LRRC20: variants seen among roughly 807,000 people sequenced by gnomAD.
LRRC20 encodes leucine-rich repeat-containing protein 20.
In LRRC20, 11 loss-of-function variants were observed where a neutral mutation model predicts 14.4. The observed-to-expected ratio is 0.77, with a 90% CI of 0.48 to 1.27. The LOEUF (loss-of-function observed/expected upper bound fraction) is 1.27. Ranked by LOEUF, LRRC20 falls within the 50% of genes most tolerant of loss-of-function variation. The probability of loss-of-function intolerance (pLI) is 0.00; values close to 1 mark genes in which losing one functional copy is unlikely to be tolerated. For synonymous variants in LRRC20, 121 were observed against 107.3 expected (o/e 1.13, Z -0.79); for missense variants, 219 against 251.2 (o/e 0.87, Z 0.87).
chr10:70,305,364 T>A (rs145517720), intron 4 of LRRC20, among the ~76,000 whole-genome samples: 539 of 152,240 alleles, frequency 3.5e-3, no homozygotes, highest in African/African-American at 0.012. Context: ...TTCTTCTGGG[T>A]ATATATGTGA....
intron 3 of LRRC20, among the ~76,000 whole-genome samples, chr10:70,340,023 A>G (rs1362052116): frequency 2.6e-5 from 4 of 151,916 alleles, no homozygotes; most frequent in Admixed American, 2.0e-4. Flanking sequence ...TGGGAGGCTG[A>G]GGCAGGAGAA....
intron 3 of LRRC20, among the ~76,000 whole-genome samples, chr10:70,329,335 T>C (rs993972453): frequency 1.3e-5 from 2 of 152,170 alleles, no homozygotes; most frequent in African/African-American, 4.8e-5. Context: ...TTCTTGTTGT[T>C]TTATGGCAGT....
At chr10:70,373,764 C>T (rs532029952) in intron 2 of LRRC20, among the ~76,000 whole-genome samples, 32 of 152,340 alleles carry the variant, frequency 2.1e-4, no homozygotes, top group Non-Finnish European at 3.8e-4. Flanking sequence ...GTGCCCCCAC[C>T]CCAGGGCTGC....
chr10:70,381,071 G>C (rs936858761), intron 1 of LRRC20, among the ~76,000 whole-genome samples: 1 of 152,226 alleles, frequency 6.6e-6, no homozygotes, highest in African/African-American at 2.4e-5. Flanking sequence ...CTCTTACAAG[G>C]CTGTCCTCTG....
Position 70,300,293 on chromosome 10 carries a change from G to T in LRRC20, c.*1061C>A. On this transcript the variant is annotated 3_prime_UTR_variant, in exon 5 of 5. Coordinates refer to ENST00000446961, the MANE Select transcript of LRRC20 (RefSeq NM_001278212.2). The stretch of plus-strand genomic sequence containing the variant: ...CTTGCTGGGTACTGTCCCAGTTTTA[G>T]CATTGAAAGTTCCATGTCCTGGGAA... The T allele has an allele frequency of 2.2e-6, 2 of 904,040 alleles. No homozygotes were observed. Among genetic ancestry groups the T allele is most frequent in the Non-Finnish European group, 2.6e-6 (2 of 755,760 alleles). 56.0% of individuals were successfully genotyped at this position (904,040 alleles called of 1,614,324 possible).
chr10:70,342,462 A>T (rs115044247), intron 2 of LRRC20, among the ~76,000 whole-genome samples: 1,955 of 152,170 alleles, frequency 0.013, 48 homozygotes, highest in African/African-American at 0.045. Context: ...ATAATTGTAT[A>T]TATTATTATA....
At chr10:70,318,573 G>A (rs1430908979) in intron 4 of LRRC20, among the ~76,000 whole-genome samples, 1 of 152,042 alleles carries the variant, frequency 6.6e-6, no homozygotes, top group Non-Finnish European at 1.5e-5. Flanking sequence ...GGGCAACATG[G>A]CAAAAACCCA....
intron 4 of LRRC20, among the ~76,000 whole-genome samples, chr10:70,303,391 C>A (rs1255431010): frequency 6.6e-6 from 1 of 152,168 alleles, no homozygotes; most frequent in Non-Finnish European, 1.5e-5. Flanking sequence ...TGTGCCCTAC[C>A]TATATCACTG....
At chr10:70,358,166 T>C (rs964678602) in intron 2 of LRRC20, among the ~76,000 whole-genome samples, 1 of 152,212 alleles carries the variant, frequency 6.6e-6, no homozygotes, top group East Asian at 1.9e-4. Context: ...AAGTCACTTA[T>C]GGGGCCTCAA....
intron 2 of LRRC20, among the ~76,000 whole-genome samples, chr10:70,363,674 G>A (rs1843844079): frequency 6.6e-6 from 1 of 152,208 alleles, no homozygotes; most frequent in African/African-American, 2.4e-5. Context: ...GCCCACCCAG[G>A]GATACAAAGC....
chr10:70,369,633 A>C (rs970974816), intron 2 of LRRC20, among the ~76,000 whole-genome samples: 14 of 132,930 alleles, frequency 1.1e-4, no homozygotes, highest in Non-Finnish European at 9.8e-5. Context: ...AAAAAAAAAA[A>C]CCATACATAC....
intron 2 of LRRC20, among the ~76,000 whole-genome samples, chr10:70,368,679 G>A (rs1321608840): frequency 6.6e-6 from 1 of 151,840 alleles, no homozygotes; most frequent in Admixed American, 6.6e-5. Flanking sequence ...GGAGTGCAGT[G>A]GCATGATCTC....
chr10:70,375,027 C>T (rs769304622), intron 2 of LRRC20, among the ~76,000 whole-genome samples: 2 of 151,964 alleles, frequency 1.3e-5, no homozygotes, highest in Non-Finnish European at 2.9e-5. Flanking sequence ...GATTCAAATC[C>T]AGGCCCATGT....
Position 70,331,369 on chromosome 10 carries a change from G to A in LRRC20, c.233-7339C>T, listed in dbSNP as rs371480638. ...GCCAACTGGGGCCAGCAAGGCTGCT[G>A]ATGCCTTGGCTTTCTTTTTATCTCT... On this transcript the variant is annotated intron_variant, in intron 3 of 4. Coordinates refer to ENST00000446961, the MANE Select transcript of LRRC20 (RefSeq NM_001278212.2). Among the ~76,000 whole-genome samples the A allele has an allele frequency of 7.9e-5, 12 of 152,376 alleles. No homozygotes were observed. The East Asian group carries it at 9.6e-4, about 12-fold the overall frequency.
chr10:70,342,833 C>A (rs546825220), intron 2 of LRRC20, among the ~76,000 whole-genome samples: 1 of 152,228 alleles, frequency 6.6e-6, no homozygotes, highest in Admixed American at 6.5e-5. Context: ...CAGCCCCCAA[C>A]CTCGAACCCC....
chr10:70,329,251 C>T (rs924267373), intron 3 of LRRC20, among the ~76,000 whole-genome samples: 3 of 152,156 alleles, frequency 2.0e-5, no homozygotes, highest in Admixed American at 6.5e-5. Context: ...TATTTCAGAT[C>T]GCTAGGAAGG....
intron 4 of LRRC20, among the ~76,000 whole-genome samples, chr10:70,306,201 T>G (rs1012251348): frequency 2.0e-5 from 3 of 151,944 alleles, no homozygotes; most frequent in South Asian, 2.1e-4. Flanking sequence ...TGGCCCTCAG[T>G]GTATATTTCC....
chr10:70,374,785 G>C (rs560208847), intron 2 of LRRC20, among the ~76,000 whole-genome samples: 1 of 152,290 alleles, frequency 6.6e-6, no homozygotes, highest in African/African-American at 2.4e-5. Flanking sequence ...CATTTGCAAG[G>C]GGAAGGGCTT....
At chr10:70,374,324 C>G (rs938246019) in intron 2 of LRRC20, among the ~76,000 whole-genome samples, 1 of 150,836 alleles carries the variant, frequency 6.6e-6, no homozygotes, top group African/African-American at 2.4e-5. Flanking sequence ...TGAAGTGGAG[C>G]TGCTGTGTCC....
Sources: allele counts gnomAD v4.1 joint callset (sites outside exome capture counted in the v4.1 genomes callset), GRCh38; gene constraint gnomAD v4.1.1; transcripts MANE v1.5; gene names NCBI Gene and HGNC (gene_info 2026-07-23, HGNC 2026-07-21).